TEX11: variants seen among roughly 807,000 people sequenced by gnomAD.
TEX11 encodes the protein testis expressed 11.
A neutral mutation model predicts 84.4 loss-of-function variants in TEX11; 7 were observed. That is an observed-to-expected ratio of 0.08 (90% CI 0.05 to 0.16). The LOEUF (loss-of-function observed/expected upper bound fraction) is 0.16, where lower values mean the gene tolerates loss of function less well. Ranked by LOEUF, TEX11 falls within the 10% of genes least tolerant of loss-of-function variation. The pLI, the probability that TEX11 is intolerant of heterozygous loss-of-function variation, is 1.00. For synonymous variants in TEX11, 264 were observed against 222.8 expected (o/e 1.18, Z -1.64); for missense variants, 551 against 660.5 (o/e 0.83, Z 1.82).
chrX:70,831,448 G>A (rs1486448888), intron 8 of TEX11, among the ~76,000 whole-genome samples: 1 of 110,907 alleles, frequency 9.0e-6, no homozygotes, highest in Non-Finnish European at 1.9e-5. Context: ...ATAACATAGT[G>A]AAACCCCCAT....
intron 2 of TEX11, among the ~76,000 whole-genome samples, chrX:70,882,281 G>T (rs1238665278): frequency 9.0e-6 from 1 of 110,602 alleles, no homozygotes; most frequent in African/African-American, 3.3e-5. Context: ...AAATATTTTT[G>T]AGAAGAAAAC....
intron 16 of TEX11, among the ~76,000 whole-genome samples, chrX:70,666,921 G>A (rs2089980994): frequency 9.0e-6 from 1 of 111,525 alleles, no homozygotes; most frequent in African/African-American, 3.3e-5. Context: ...CCATTCATCC[G>A]CCTCTGAAAC....
intron 25 of TEX11, among the ~76,000 whole-genome samples, chrX:70,556,746 A>G (rs2088291777): frequency 9.0e-6 from 1 of 111,380 alleles, no homozygotes; most frequent in South Asian, 3.8e-4. Flanking sequence ...GTAGTTATGG[A>G]TTTGTCTATT....
chrX:70,835,950 A>G (rs758476911), intron 7 of TEX11, among the ~76,000 whole-genome samples: 1 of 110,003 alleles, frequency 9.1e-6, no homozygotes, highest in East Asian at 2.8e-4. Flanking sequence ...TGTCTCTACT[A>G]AAAATACAAA....
intron 16 of TEX11, among the ~76,000 whole-genome samples, chrX:70,662,209 G>A (rs955258296): frequency 1.8e-5 from 2 of 111,986 alleles, no homozygotes; most frequent in Non-Finnish European, 3.8e-5. Flanking sequence ...CGAGAACTAC[G>A]TGGAGAATGC....
chrX:70,756,089 G>C (rs185281114), intron 9 of TEX11, among the ~76,000 whole-genome samples: 8,065 of 111,925 alleles, frequency 0.072, 601 homozygotes, highest in African/African-American at 0.22. Context: ...TGTGCTCACC[G>C]TGAAAACAAA....
intron 25 of TEX11, among the ~76,000 whole-genome samples, chrX:70,563,896 T>A (rs1308369550): frequency 1.8e-5 from 2 of 112,732 alleles, no homozygotes; most frequent in Non-Finnish European, 3.7e-5. Context: ...GATTCAATTT[T>A]CTAAAATGTA....
At chrX:70,892,196 A>C (rs1263690425) in intron 2 of TEX11, among the ~76,000 whole-genome samples, 1 of 111,771 alleles carries the variant, frequency 8.9e-6, no homozygotes, top group African/African-American at 3.2e-5. Flanking sequence ...AGACAAGCAA[A>C]TGCTGAGGGA....
chrX:70,520,425 G>A, the TEX11 span, among the ~76,000 whole-genome samples: 4 of 112,454 alleles, frequency 3.6e-5, no homozygotes, highest in Admixed American at 2.8e-4. Context: ...TCCAGACCCT[G>A]TTTGCCTGGG....
At chrX:70,887,419 A>C (rs760722796) in intron 2 of TEX11, among the ~76,000 whole-genome samples, 1 of 111,898 alleles carries the variant, frequency 8.9e-6, no homozygotes, top group South Asian at 3.8e-4. Context: ...TTAAGTAAAC[A>C]TCGGCAGTAG....
At position 70,833,610 on chromosome X, in the gene TEX11, A is replaced by G; in HGVS notation, c.526-17T>C. 1 of 1,149,602 alleles carries G rather than the reference A, an allele frequency of 8.7e-7. No homozygotes were observed. The highest frequency in any genetic ancestry group is 1.2e-6 in the Non-Finnish European group (1 of 844,835). The allele number at this position is 1,149,602 out of a possible 1,213,427, so 94.7% of individuals were successfully genotyped here. On this transcript the variant is annotated splice_polypyrimidine_tract_variant and intron_variant, in intron 7 of 29. Coordinates refer to ENST00000374333, the MANE Select transcript of TEX11 (RefSeq NM_031276.3). ...AGCAACTGCCTGAAAAAGATAAAGAATGTCAATAATTGGTTAAAATGACAA... is the reference window on the plus strand; with the variant it reads ...AGCAACTGCCTGAAAAAGATAAAGAGTGTCAATAATTGGTTAAAATGACAA...
intron 8 of TEX11, among the ~76,000 whole-genome samples, chrX:70,808,580 T>C (rs751199947): frequency 1.8e-5 from 2 of 108,941 alleles, no homozygotes; most frequent in African/African-American, 6.6e-5. Context: ...GGATTGTTTG[T>C]AACACAAAGG....
At chrX:70,678,103 C>T (rs905315001) in intron 15 of TEX11, among the ~76,000 whole-genome samples, 4 of 111,255 alleles carry the variant, frequency 3.6e-5, no homozygotes, top group East Asian at 2.8e-4. Context: ...TGAGCCACCA[C>T]GCCCGGCCAA....
downstream of TEX11, among the ~76,000 whole-genome samples, chrX:70,525,974 G>A (rs2087819082): frequency 9.0e-6 from 1 of 111,509 alleles, no homozygotes; most frequent in Admixed American, 9.5e-5. Context: ...GTCAGGGTCA[G>A]GGCCTGGTGG....
At chrX:70,704,051 G>A (rs2090348231) in intron 13 of TEX11, among the ~76,000 whole-genome samples, 2 of 109,939 alleles carry the variant, frequency 1.8e-5, no homozygotes, top group African/African-American at 6.6e-5. Flanking sequence ...GAGTTCTCAC[G>A]AGATCTGGTC....
intron 17 of TEX11, among the ~76,000 whole-genome samples, chrX:70,643,916 C>T (rs1447994172): frequency 2.8e-5 from 3 of 106,602 alleles, no homozygotes; most frequent in Admixed American, 1.0e-4. Context: ...ACAAAATTGA[C>T]AAATGGGATC....
At chrX:70,871,148 G>A (rs1309552759) in intron 4 of TEX11, among the ~76,000 whole-genome samples, 1 of 112,075 alleles carries the variant, frequency 8.9e-6, no homozygotes, top group African/African-American at 3.2e-5. Flanking sequence ...CCTGATCTCA[G>A]GTGATCCACT....
intron 8 of TEX11, among the ~76,000 whole-genome samples, chrX:70,817,847 T>C (rs73213072): frequency 0.058 from 6,497 of 111,488 alleles, 147 homozygotes; most frequent in East Asian, 0.12. Flanking sequence ...AAGCCTGTAA[T>C]ATTTTATTGT....
chrX:70,868,257 C>A (rs1351690171), intron 4 of TEX11, among the ~76,000 whole-genome samples: 1 of 111,495 alleles, frequency 9.0e-6, no homozygotes, highest in Non-Finnish European at 1.9e-5. Flanking sequence ...ATTTTTGAGG[C>A]CAAAAAAACA....
Sources: gnomAD v4.1 joint callset for allele counts (sites outside exome capture counted in the v4.1 genomes callset) on GRCh38, gnomAD v4.1.1 for gene constraint, MANE v1.5 for transcripts, NCBI Gene and HGNC (gene_info 2026-07-23, HGNC 2026-07-21) for gene names.